The following SMYD2 variants were observed in gnomAD, a reference collection of about 807,000 sequenced individuals.
The protein encoded by SMYD2 is N-lysine methyltransferase SMYD2.
In SMYD2, 53 loss-of-function variants were observed where a neutral mutation model predicts 59.1. The observed-to-expected ratio is 0.90, with a 90% CI of 0.72 to 1.13. The LOEUF (loss-of-function observed/expected upper bound fraction) is 1.13, where lower values mean the gene tolerates loss of function less well. Among genes scored for constraint, SMYD2 ranks in the 50% most tolerant of loss-of-function variants. SMYD2 has a pLI of 0.00. For synonymous variants in SMYD2, 208 were observed against 198.8 expected (o/e 1.05, Z -0.39); for missense variants, 494 against 544.7 (o/e 0.91, Z 0.93).
intron 1 of SMYD2, among the ~76,000 whole-genome samples, chr1:214,294,405 C>T (rs1656690085): frequency 6.6e-6 from 1 of 152,222 alleles, no homozygotes; most frequent in Non-Finnish European, 1.5e-5. Flanking sequence ...CGGTGGCTTA[C>T]GCCTATATTC....
intron 1 of SMYD2, among the ~76,000 whole-genome samples, chr1:214,290,534 A>G (rs1656619385): frequency 6.6e-6 from 1 of 152,190 alleles, no homozygotes; most frequent in South Asian, 2.1e-4. Flanking sequence ...GCGTGCTATA[A>G]TAACAAAGAC....
intron 1 of SMYD2, among the ~76,000 whole-genome samples, chr1:214,294,439 G>C (rs766245257): frequency 6.6e-6 from 1 of 152,194 alleles, no homozygotes; most frequent in African/African-American, 2.4e-5. Flanking sequence ...AGGCCAAGAC[G>C]GGCGGATGGC....
chr1:214,288,512 A>T (rs4655329), intron 1 of SMYD2, among the ~76,000 whole-genome samples: 142,439 of 152,252 alleles, frequency 0.94, 66,754 homozygotes, highest in East Asian at 1. Flanking sequence ...TTCACCCTAC[A>T]TTACTACTGT....
intron 1 of SMYD2, among the ~76,000 whole-genome samples, chr1:214,301,337 T>C (rs1571923229): frequency 1.3e-5 from 2 of 152,342 alleles, no homozygotes; most frequent in South Asian, 4.1e-4. Flanking sequence ...AAAGTTGTGA[T>C]GTGCAATCAG....
chr1:214,304,451 T>C (rs975213746), intron 1 of SMYD2, among the ~76,000 whole-genome samples: 18 of 151,486 alleles, frequency 1.2e-4, no homozygotes, highest in Non-Finnish European at 2.1e-4. Context: ...TCCCAGTTAC[T>C]TGGGAGCTGA....
chr1:214,317,101 T>C (rs116436825), intron 3 of SMYD2, among the ~76,000 whole-genome samples: 1,895 of 152,336 alleles, frequency 0.012, 24 homozygotes, highest in African/African-American at 0.043. Flanking sequence ...AGATGACTTA[T>C]AAATCTTATA....
intron 1 of SMYD2, among the ~76,000 whole-genome samples, chr1:214,304,558 C>CAAAAAA (rs56254326): frequency 0.1 from 4,950 of 47,942 alleles, 983 homozygotes; most frequent in Non-Finnish European, 0.13. Flanking sequence ...GACCCTATCT[C>CAAAAAA]AAAAAAAAAA....
intron 1 of SMYD2, among the ~76,000 whole-genome samples, chr1:214,304,086 G>A (rs1425279203): frequency 3.3e-5 from 5 of 152,222 alleles, no homozygotes; most frequent in African/African-American, 9.7e-5. Flanking sequence ...CAATACACAC[G>A]CGAGCACCTA....
intron 11 of SMYD2, among the ~76,000 whole-genome samples, chr1:214,335,964 T>A (rs947579227): frequency 3.9e-5 from 6 of 152,244 alleles, no homozygotes; most frequent in Admixed American, 3.9e-4. Flanking sequence ...TTTAGCTACG[T>A]CTTGCAGGTT....
At chr1:214,281,461 G>A (rs777852815) in intron 1 of SMYD2, 34 bp downstream of exon 1, 9 of 1,326,896 alleles carry the variant, frequency 6.8e-6, no homozygotes, top group South Asian at 6.4e-5. Context: ...GCGGGCGGGA[G>A]CCGGGGGCGC....
intron 11 of SMYD2, among the ~76,000 whole-genome samples, chr1:214,335,525 T>A (rs1657422500): frequency 6.6e-6 from 1 of 152,180 alleles, no homozygotes; most frequent in Admixed American, 6.5e-5. Flanking sequence ...GGAGAATATA[T>A]AATAGATAGG....
At chr1:214,295,449 A>G (rs947335208) in intron 1 of SMYD2, among the ~76,000 whole-genome samples, 2 of 152,198 alleles carry the variant, frequency 1.3e-5, no homozygotes, top group Admixed American at 6.5e-5. Flanking sequence ...CAGAGCCTGC[A>G]TGAAAACAAA....
At chr1:214,282,686 G>C (rs964671958) in intron 1 of SMYD2, among the ~76,000 whole-genome samples, 4 of 152,042 alleles carry the variant, frequency 2.6e-5, no homozygotes, top group African/African-American at 9.7e-5. Flanking sequence ...CAGACTCCCT[G>C]CCAGAACTGT....
chr1:214,329,741 G>C (rs1322830803), intron 7 of SMYD2, among the ~76,000 whole-genome samples: 1 of 152,116 alleles, frequency 6.6e-6, no homozygotes, highest in Non-Finnish European at 1.5e-5. Flanking sequence ...TGGTGTGTGC[G>C]TGCTCATGCC....
chr1:214,305,675 G>C (rs528305425), intron 2 of SMYD2, among the ~76,000 whole-genome samples: 1 of 152,192 alleles, frequency 6.6e-6, no homozygotes, highest in South Asian at 2.1e-4. Context: ...CTTGCAGTGA[G>C]ACTCAGATGA....
intron 8 of SMYD2, 101 bp downstream of exon 8, chr1:214,330,379 T>C (rs1017207726): frequency 1.3e-6 from 1 of 777,248 alleles, no homozygotes; most frequent in African/African-American, 1.8e-5. Flanking sequence ...TAGGATCTTT[T>C]TGACCCTTTA....
At chr1:214,299,254 G>A (rs1456600473) in intron 1 of SMYD2, among the ~76,000 whole-genome samples, 1 of 152,178 alleles carries the variant, frequency 6.6e-6, no homozygotes, top group Non-Finnish European at 1.5e-5. Context: ...TTCAGCCACT[G>A]TAGAAAGCAG....
intron 5 of SMYD2, among the ~76,000 whole-genome samples, chr1:214,322,672 T>C (rs1326538266): frequency 6.6e-6 from 1 of 152,172 alleles, no homozygotes; most frequent in Non-Finnish European, 1.5e-5. Flanking sequence ...AGAAGGAACA[T>C]GGTATAGTGT....
chr1:214,336,626 C>A, intron 11 of SMYD2, 78 bp from the exon 12 acceptor site: 3 of 1,341,454 alleles, frequency 2.2e-6, no homozygotes, highest in South Asian at 1.3e-5. Context: ...GCAGAGAGAT[C>A]CAACTTAAAG....
Sources: allele counts gnomAD v4.1 joint callset (sites outside exome capture counted in the v4.1 genomes callset), GRCh38; gene constraint gnomAD v4.1.1; transcripts MANE v1.5; gene names NCBI Gene and HGNC (gene_info 2026-07-23, HGNC 2026-07-21).